Variants in RNLS observed in about 807,000 individuals in gnomAD.
RNLS encodes the protein renalase.
In RNLS, 39 loss-of-function variants were observed where a neutral mutation model predicts 39.8. That is an observed-to-expected ratio of 0.98 (90% CI 0.76 to 1.28). The LOEUF (loss-of-function observed/expected upper bound fraction) is 1.28. Ranked by LOEUF, RNLS falls within the 50% of genes most tolerant of loss-of-function variation. RNLS has a pLI of 0.00. For missense variants in RNLS, 410 were observed against 413.3 expected (o/e 0.99, Z 0.07); for synonymous variants, 147 against 150.7 (o/e 0.98, Z 0.18).
the RNLS span, among the ~76,000 whole-genome samples, chr10:88,226,298 T>G: frequency 6.6e-6 from 1 of 152,192 alleles, no homozygotes; most frequent in Non-Finnish European, 1.5e-5. Context: ...CAGTCTTCAA[T>G]AAACAACTAG....
intron 4 of RNLS, among the ~76,000 whole-genome samples, chr10:88,564,950 T>TA (rs1338091160): frequency 8.5e-5 from 13 of 152,104 alleles, no homozygotes; most frequent in African/African-American, 3.1e-4. Context: ...TCACATAAGA[T>TA]ATGATACTTA....
intron 4 of RNLS, among the ~76,000 whole-genome samples, chr10:88,386,514 G>A (rs1197251307): frequency 6.6e-6 from 1 of 152,170 alleles, no homozygotes; most frequent in African/African-American, 2.4e-5. Flanking sequence ...AGGTTTCAAA[G>A]GTTATGAGAA....
rs76069878 is a variant in RNLS, at chr10:88,450,037, G to GA, written c.527-87313dup. On this transcript the variant is annotated intron_variant, in intron 4 of 6. Coordinates refer to ENST00000331772, the MANE Select transcript of RNLS (RefSeq NM_001031709.3). ...TTGTAAGAGCTGGGCCTTTTGGGAGGAAAAAAAAAAAAGATCTGTAAGTTG... is the reference window on the plus strand; with the variant it reads ...TTGTAAGAGCTGGGCCTTTTGGGAGGAAAAAAAAAAAAAGATCTGTAAGTTG... 3.2e-3 allele frequency among the ~76,000 whole-genome samples: 456 copies of GA among 141,042 alleles called. 1 individual carries two copies. Among genetic ancestry groups the GA allele is most frequent in the Non-Finnish European group, 4.3e-3 (279 of 64,322 alleles). The allele number at this position is 141,042 out of a possible 152,430, so 92.5% of individuals were successfully genotyped here. A position where few individuals can be genotyped will look rare whatever the true frequency, so the allele number is the denominator to read the frequency against.
chr10:88,563,576 T>C lies in RNLS; in HGVS notation c.526+9327A>G, dbSNP rs561048344. On this transcript the variant is annotated intron_variant, in intron 4 of 6. Coordinates refer to ENST00000331772, the MANE Select transcript of RNLS (RefSeq NM_001031709.3). Reference sequence around the variant, plus strand: ...CTTAAGTATAGCATTAAGGTCCAAGTTGATGATTAGATAGCTGAAGCCAGA... The same window carrying C: ...CTTAAGTATAGCATTAAGGTCCAAGCTGATGATTAGATAGCTGAAGCCAGA... Among the ~76,000 whole-genome samples the C allele has an allele frequency of 2.0e-5, 3 of 152,168 alleles. No homozygotes were observed. In the South Asian group the frequency reaches 6.2e-4, roughly 32 times the overall value.
intron 4 of RNLS, among the ~76,000 whole-genome samples, chr10:88,397,480 A>G (rs1337335383): frequency 7.2e-5 from 11 of 152,032 alleles, no homozygotes; most frequent in Admixed American, 7.2e-4. Flanking sequence ...CAGTGCTTAG[A>G]GTAAAATTTG....
At chr10:88,558,597 G>C (rs1210493394) in intron 4 of RNLS, among the ~76,000 whole-genome samples, 4 of 152,096 alleles carry the variant, frequency 2.6e-5, no homozygotes, top group Non-Finnish European at 4.4e-5. Context: ...CCAAGATGAT[G>C]GAAGTCTCCG....
chr10:88,534,847 T>G (rs1166229244), intron 4 of RNLS, among the ~76,000 whole-genome samples: 1 of 152,110 alleles, frequency 6.6e-6, no homozygotes, highest in Admixed American at 6.6e-5. Flanking sequence ...GACATTTACA[T>G]GGACACTAAC....
chr10:88,244,936 C>A, the RNLS span, among the ~76,000 whole-genome samples: 347 of 152,166 alleles, frequency 2.3e-3, 1 homozygote, highest in African/African-American at 8.0e-3. Context: ...GTACAGGAAC[C>A]GAGCCTAAAA....
intron 4 of RNLS, among the ~76,000 whole-genome samples, chr10:88,568,001 C>T (rs1590035336): frequency 6.6e-6 from 1 of 152,160 alleles, no homozygotes; most frequent in Admixed American, 6.5e-5. Flanking sequence ...TTGTCCACCA[C>T]GACCAGACTC....
downstream of RNLS, among the ~76,000 whole-genome samples, chr10:88,269,853 A>G (rs1447432138): frequency 6.6e-6 from 1 of 152,096 alleles, no homozygotes; most frequent in African/African-American, 2.4e-5. Context: ...TTTTATCATT[A>G]TTATTATTTT....
At chr10:88,511,027 A>AG (rs1236097937) in intron 4 of RNLS, among the ~76,000 whole-genome samples, 2 of 123,790 alleles carry the variant, frequency 1.6e-5, no homozygotes, top group Non-Finnish European at 3.6e-5. Flanking sequence ...AAATGAAAAA[A>AG]AAAAAAACCA....
intron 6 of RNLS, among the ~76,000 whole-genome samples, chr10:88,310,259 C>A (rs1223257281): frequency 1.3e-5 from 2 of 152,018 alleles, no homozygotes; most frequent in African/African-American, 4.8e-5. Flanking sequence ...TGGATTATAT[C>A]TTTTTGACTG....
At chr10:88,213,713 T>C in the RNLS span, among the ~76,000 whole-genome samples, 3 of 152,198 alleles carry the variant, frequency 2.0e-5, no homozygotes, top group Non-Finnish European at 4.4e-5. Context: ...CAGTTATTTT[T>C]ATCTGAAGGT....
intron 4 of RNLS, among the ~76,000 whole-genome samples, chr10:88,520,593 C>T (rs912355759): frequency 3.3e-5 from 5 of 151,984 alleles, no homozygotes; most frequent in African/African-American, 1.2e-4. Flanking sequence ...GGCAGGTAAT[C>T]CTATATGTTG....
At chr10:88,233,704 G>T in the RNLS span, among the ~76,000 whole-genome samples, 201 of 152,238 alleles carry the variant, frequency 1.3e-3, no homozygotes, top group African/African-American at 4.5e-3. Flanking sequence ...GTCAGTTTTG[G>T]ACTTCAAGAG....
chr10:88,525,866 T>C (rs1436766706), intron 4 of RNLS, among the ~76,000 whole-genome samples: 2 of 152,108 alleles, frequency 1.3e-5, no homozygotes, highest in African/African-American at 2.4e-5. Flanking sequence ...CACTAGAGAT[T>C]ATCATACCTC....
intron 4 of RNLS, among the ~76,000 whole-genome samples, chr10:88,399,383 C>T (rs560693870): frequency 4.3e-4 from 65 of 151,836 alleles, no homozygotes; most frequent in Non-Finnish European, 7.1e-4. Flanking sequence ...TTGAAGCAAC[C>T]CAAATGTGCA....
downstream of RNLS, among the ~76,000 whole-genome samples, chr10:88,270,086 A>T (rs1429738287): frequency 6.6e-6 from 1 of 152,198 alleles, no homozygotes; most frequent in East Asian, 1.9e-4. Context: ...AAGAAGAGTC[A>T]TTTCTTTAAG....
At chr10:88,535,597 G>GA (rs547346631) in intron 4 of RNLS, among the ~76,000 whole-genome samples, 60 of 149,352 alleles carry the variant, frequency 4.0e-4, no homozygotes, top group East Asian at 2.7e-3. Flanking sequence ...TTAAAAGTTG[G>GA]AAAAAAAAAG....
Sources: gnomAD v4.1 joint callset for allele counts (sites outside exome capture counted in the v4.1 genomes callset) on GRCh38, gnomAD v4.1.1 for gene constraint, MANE v1.5 for transcripts, NCBI Gene and HGNC (gene_info 2026-07-23, HGNC 2026-07-21) for gene names.